Variants in CFAP91 observed in about 807,000 individuals in gnomAD.
CFAP91 encodes the protein cilia- and flagella-associated protein 91.
CFAP91 carries 85 observed loss-of-function variants against 95.9 expected under a neutral mutation model. The ratio of observed to expected loss-of-function variants is 0.89; its 90% confidence interval spans 0.74 to 1.06. The LOEUF (loss-of-function observed/expected upper bound fraction) is 1.06, where lower values mean the gene tolerates loss of function less well. Ranked by LOEUF, CFAP91 falls within the 50% of genes least tolerant of loss-of-function variation. The pLI is 0.00. For missense variants in CFAP91, 962 were observed against 943.4 expected, an observed-to-expected ratio of 1.02 and a Z score of -0.26; for synonymous variants, 335 against 327.5, an observed-to-expected ratio of 1.02 and a Z score of -0.25.
intron 17 of CFAP91, among the ~76,000 whole-genome samples, chr3:119,763,213 G>GA (rs1043279843): frequency 6.6e-6 from 1 of 151,806 alleles, no homozygotes; most frequent in Non-Finnish European, 1.5e-5. Flanking sequence ...ACAGATACAT[G>GA]AAAAAAATGC....
chr3:119,743,501 G>A (rs774360439), intron 13 of CFAP91, among the ~76,000 whole-genome samples: 8 of 152,118 alleles, frequency 5.3e-5, no homozygotes, highest in Non-Finnish European at 1.0e-4. Context: ...CTACTTTCAC[G>A]TTATTCAAGA....
intron 17 of CFAP91, among the ~76,000 whole-genome samples, chr3:119,755,490 T>C (rs1208431190): frequency 2.6e-5 from 4 of 152,110 alleles, no homozygotes; most frequent in African/African-American, 9.7e-5. Context: ...CCCTCTGCCA[T>C]TCTCCCTCTC....
In CFAP91 at chr3:119,765,721, A is replaced by C. The variant is rs1001915827; in HGVS notation, c.*671A>C. 1.3e-5 allele frequency: 2 copies of C among 152,250 alleles called. No homozygotes were observed. Among genetic ancestry groups the C allele is most frequent in the Admixed American group, 6.5e-5 (1 of 15,286 alleles). The allele number at this position is 152,250 out of a possible 1,614,324, so 9.4% of individuals were successfully genotyped here. The stretch of plus-strand genomic sequence containing the variant: ...CAATCTGCCCATCCTGTGTATTGAC[A>C]AGCATCAGGATTCCAGGAGGATTCT... On this transcript the variant is annotated 3_prime_UTR_variant, in exon 18 of 18. Transcript: ENST00000273390.
intron 17 of CFAP91, among the ~76,000 whole-genome samples, chr3:119,753,417 A>C (rs1393274533): frequency 6.6e-6 from 1 of 152,210 alleles, no homozygotes; most frequent in Admixed American, 6.5e-5. Flanking sequence ...TAAAAATCTC[A>C]ATCCCAGAAA....
intron 4 of CFAP91, 101 bp from the exon 5 acceptor site, chr3:119,709,738 A>C (rs2053440146): frequency 1.1e-6 from 1 of 870,022 alleles, no homozygotes; most frequent in South Asian, 1.4e-5. Context: ...GGGATATTTA[A>C]GCTCACTGAT....
intron 10 of CFAP91, among the ~76,000 whole-genome samples, chr3:119,736,836 CTTTT>C (rs551664979): frequency 1.5e-4 from 22 of 148,948 alleles, no homozygotes; most frequent in African/African-American, 5.2e-4. Flanking sequence ...CAGTGGTTAA[CTTTT>C]TTTTTTGTTT....
At chr3:119,758,529 CA>C (rs1422617434) in intron 17 of CFAP91, among the ~76,000 whole-genome samples, 1 of 152,106 alleles carries the variant, frequency 6.6e-6, no homozygotes, top group Non-Finnish European at 1.5e-5. Flanking sequence ...AAGGAAATTT[CA>C]AAATTATTTA....
intron 10 of CFAP91, among the ~76,000 whole-genome samples, chr3:119,734,208 G>A (rs772554442): frequency 6.6e-5 from 10 of 152,216 alleles, no homozygotes; most frequent in South Asian, 2.1e-4. Flanking sequence ...ACCACACCTC[G>A]AGGCCCACTG....
chr3:119,724,283 G>GA, intron 6 of CFAP91, among the ~76,000 whole-genome samples: 1 of 152,064 alleles, frequency 6.6e-6, no homozygotes, highest in Non-Finnish European at 1.5e-5. Context: ...AGATTGAATA[G>GA]AAAACCACAA....
intron 10 of CFAP91, among the ~76,000 whole-genome samples, chr3:119,735,010 C>T (rs1195071042): frequency 6.6e-6 from 1 of 152,058 alleles, no homozygotes; most frequent in Non-Finnish European, 1.5e-5. Context: ...AATTCCATTT[C>T]ACCTACCTTT....
At chr3:119,743,159 G>C (rs527564823) in intron 13 of CFAP91, among the ~76,000 whole-genome samples, 89 of 147,192 alleles carry the variant, frequency 6.0e-4, no homozygotes, top group African/African-American at 2.1e-3. Context: ...TTTCTGAGAT[G>C]GAGTCTCACT....
intron 10 of CFAP91, among the ~76,000 whole-genome samples, chr3:119,735,745 CCTT>C (rs1311622399): frequency 1.3e-5 from 2 of 152,230 alleles, no homozygotes; most frequent in African/African-American, 4.8e-5. Context: ...ATTCCCAACT[CCTT>C]CTTCCCTTCC....
intron 13 of CFAP91, among the ~76,000 whole-genome samples, chr3:119,741,510 C>T (rs1466124527): frequency 6.6e-6 from 1 of 152,184 alleles, no homozygotes; most frequent in African/African-American, 2.4e-5. Context: ...TGTGTGCCGC[C>T]TGACACAGCT....
At chr3:119,735,975 T>A (rs905369959) in intron 10 of CFAP91, among the ~76,000 whole-genome samples, 4 of 152,184 alleles carry the variant, frequency 2.6e-5, no homozygotes, top group African/African-American at 9.7e-5. Flanking sequence ...GAACTTTTTT[T>A]TTTTTATAAT....
chr3:119,750,002 A>G (rs1039272406), intron 16 of CFAP91, among the ~76,000 whole-genome samples: 2 of 152,174 alleles, frequency 1.3e-5, no homozygotes, highest in African/African-American at 4.8e-5. Context: ...CTTAATGGAA[A>G]TTAGCTCTTA....
intron 6 of CFAP91, among the ~76,000 whole-genome samples, chr3:119,724,613 AAG>A (rs751829288): frequency 6.6e-6 from 1 of 152,228 alleles, no homozygotes; most frequent in Non-Finnish European, 1.5e-5. Flanking sequence ...TAAAAGTAAA[AAG>A]ATGAGCTGGT....
At chr3:119,707,722 GTATATATGAGA>G (rs941551723) in intron 3 of CFAP91, among the ~76,000 whole-genome samples, 161 bp downstream of exon 3, 1 of 124,166 alleles carries the variant, frequency 8.1e-6, no homozygotes, top group African/African-American at 2.9e-5. Context: ...ATTATATATT[GTATATATGAGA>G]TATATATATA....
Position 119,732,271 on chromosome 3 carries a change from C to A in CFAP91, c.1019-23C>A, listed in dbSNP as rs919183048. The A allele has an allele frequency of 5.1e-6, 8 of 1,560,778 alleles. No homozygotes were observed. In the Admixed American group the frequency reaches 7.1e-5, roughly 14 times the overall value. On this transcript the variant is annotated intron_variant, in intron 8 of 17. Coordinates refer to ENST00000273390, the MANE Select transcript of CFAP91 (RefSeq NM_033364.4). ...TTCAGAACAATATTTTAGAGATAGT[C>A]ATGGAGGTATGTTTTATTTCAGCAA...
At chr3:119,722,543 T>C (rs935314325) in intron 6 of CFAP91, among the ~76,000 whole-genome samples, 2 of 152,042 alleles carry the variant, frequency 1.3e-5, no homozygotes, top group African/African-American at 4.8e-5. Context: ...GGCTGAAGTG[T>C]AGTAATGTGA....
Sources: allele counts gnomAD v4.1 joint callset (sites outside exome capture counted in the v4.1 genomes callset), GRCh38; gene constraint gnomAD v4.1.1; transcripts MANE v1.5; gene names NCBI Gene and HGNC (gene_info 2026-07-23, HGNC 2026-07-21).